The following CSMD3 variants were observed in gnomAD, a reference collection of about 807,000 sequenced individuals.
CSMD3 encodes the protein CUB and sushi domain-containing protein 3.
Under a neutral mutation model 435.2 loss-of-function variants are expected in CSMD3, and 177 were observed. That is an observed-to-expected ratio of 0.41 (90% confidence interval 0.36 to 0.46). The LOEUF (loss-of-function observed/expected upper bound fraction) is 0.46. Among genes scored for constraint, CSMD3 ranks in the 20% least tolerant of loss-of-function variants. CSMD3 has a pLI of 0.34. For missense variants in CSMD3, 4,265 were observed against 4,504.6 expected, an observed-to-expected ratio of 0.95 and a Z score of 1.52; for synonymous variants, 1,656 against 1,520.5, an observed-to-expected ratio of 1.09 and a Z score of -2.07.
chr8:113,130,288 G>A (rs528628675), intron 4 of CSMD3, among the ~76,000 whole-genome samples: 12 of 152,210 alleles, frequency 7.9e-5, no homozygotes, highest in African/African-American at 2.9e-4. Context: ...TTGTATTTGT[G>A]TCCCCATCCA....
At chr8:112,890,967 C>T (rs575961393) in intron 10 of CSMD3, among the ~76,000 whole-genome samples, 3 of 151,608 alleles carry the variant, frequency 2.0e-5, no homozygotes, top group Non-Finnish European at 4.4e-5. Flanking sequence ...TACAAGATTG[C>T]AGTTAGCTCT....
At chr8:113,422,829 A>G (rs2094615162) in intron 1 of CSMD3, among the ~76,000 whole-genome samples, 1 of 152,120 alleles carries the variant, frequency 6.6e-6, no homozygotes, top group African/African-American at 2.4e-5. Context: ...TAAACTTGAC[A>G]GATAACATTG....
intron 11 of CSMD3, among the ~76,000 whole-genome samples, chr8:112,853,888 T>A (rs2080569394): frequency 6.6e-6 from 1 of 152,144 alleles, no homozygotes; most frequent in Non-Finnish European, 1.5e-5. Flanking sequence ...TCAGATTCTT[T>A]TTTTTTTCTT....
At position 112,940,108 on chromosome 8, in the gene CSMD3, G is replaced by A. The variant is rs189794798; in HGVS notation, c.1508+7682C>T. ...GAAAGTTCATGTAAGAAGAATGAGT[G>A]AAAATGACTTTATATTCAAAAGTAT... is the stretch of plus-strand genomic sequence containing the variant. On this transcript the variant is annotated intron_variant, in intron 9 of 70. Transcript: ENST00000297405. Among the ~76,000 whole-genome samples the A allele has an allele frequency of 5.3e-5, 8 of 151,988 alleles. No individual in the cohort carries two copies. In the East Asian group the frequency reaches 1.5e-3, roughly 29 times the overall value.
At chr8:112,412,322 G>C (rs1302120010) in intron 32 of CSMD3, among the ~76,000 whole-genome samples, 1 of 150,414 alleles carries the variant, frequency 6.6e-6, no homozygotes, top group Non-Finnish European at 1.5e-5. Flanking sequence ...TTAACCCCAA[G>C]TCTGTGCTGA....
At position 112,380,364 on chromosome 8, in the gene CSMD3, G is replaced by A. The variant is rs756451116; in HGVS notation, c.6124C>T (p.Leu2042Phe). The change falls in exon 38 of 71, where the codon CTT becomes TTT. Residue 2042 changes from leucine to phenylalanine, a missense_variant. Physicochemically the swap from Leu to Phe is conservative, Grantham distance 22. Transcript: ENST00000297405. ...DISVSAAGFH[L>F]EYTAIGLDSC... is the part of the protein sequence containing the mutation. ...ATATTATTTTTACCTGTGTATTCAA[G>A]ATGAAATCCTGCAGCAGAAACACTG... is the stretch of plus-strand genomic sequence containing the variant. The A allele has an allele frequency of 1.3e-6, 2 of 1,557,536 alleles. No homozygotes were observed. The highest frequency in any genetic ancestry group is 1.8e-6 in the Non-Finnish European group (2 of 1,129,014).
At chr8:112,361,247 G>A (rs1020128167) in intron 38 of CSMD3, among the ~76,000 whole-genome samples, 2 of 151,526 alleles carry the variant, frequency 1.3e-5, no homozygotes, top group East Asian at 1.9e-4. Flanking sequence ...ATTTTTTAAT[G>A]GGATTGGATC....
chr8:112,398,860 G>A (rs1158767502), intron 35 of CSMD3, among the ~76,000 whole-genome samples: 1 of 151,916 alleles, frequency 6.6e-6, no homozygotes, highest in African/African-American at 2.4e-5. Context: ...ATAGCTTCTA[G>A]CTTCTACTGA....
intron 11 of CSMD3, among the ~76,000 whole-genome samples, chr8:112,848,897 G>T (rs1054622943): frequency 6.6e-6 from 1 of 152,004 alleles, no homozygotes; most frequent in African/African-American, 2.4e-5. Flanking sequence ...CCAGTCCCTT[G>T]ACCTCCTTCA....
chr8:112,656,401 T>G, intron 17 of CSMD3, 60 bp from the exon 18 acceptor site: 1 of 1,215,426 alleles, frequency 8.2e-7, no homozygotes, highest in Non-Finnish European at 1.2e-6. Context: ...ATGGAAATAA[T>G]GCTTTGGACT....
intron 3 of CSMD3, among the ~76,000 whole-genome samples, chr8:113,181,314 T>A (rs1564399216): frequency 6.6e-6 from 1 of 152,050 alleles, no homozygotes; most frequent in Non-Finnish European, 1.5e-5. Context: ...GAAAAGTTAG[T>A]GTAAAACCAA....
intron 32 of CSMD3, among the ~76,000 whole-genome samples, chr8:112,423,335 C>T (rs1191521978): frequency 1.3e-5 from 2 of 152,118 alleles, no homozygotes; most frequent in Non-Finnish European, 2.9e-5. Context: ...ACATTATTGT[C>T]ATCATCATCA....
intron 12 of CSMD3, among the ~76,000 whole-genome samples, chr8:112,811,252 G>A (rs7817836): frequency 0.83 from 126,704 of 151,936 alleles, 53,122 homozygotes; most frequent in African/African-American, 0.91. Flanking sequence ...AAGTATAAAT[G>A]CAAATCTTTA....
chr8:112,582,772 G>A lies in CSMD3; in HGVS notation c.3885+4294C>T, dbSNP rs543878092. Among the ~76,000 whole-genome samples, 20 of 152,038 alleles carry A rather than the reference G, an allele frequency of 1.3e-4. No individual in the cohort carries two copies. In the South Asian group the frequency reaches 3.7e-3, roughly 28 times the overall value. The stretch of plus-strand genomic sequence containing the variant: ...ATGGTATTAGGAAGTGAGGCCTTTG[G>A]GAGGCTAACTGGTCATGAGGGCAGA... On this transcript the variant is annotated intron_variant, in intron 23 of 70. Coordinates refer to ENST00000297405, the MANE Select transcript of CSMD3 (RefSeq NM_198123.2).
chr8:112,575,149 TA>T (rs1408629783), intron 23 of CSMD3, among the ~76,000 whole-genome samples: 3 of 152,064 alleles, frequency 2.0e-5, no homozygotes, highest in Non-Finnish European at 4.4e-5. Flanking sequence ...GTAACTTTAT[TA>T]GAATTTAATG....
intron 5 of CSMD3, among the ~76,000 whole-genome samples, chr8:113,047,876 C>A (rs771220755): frequency 6.6e-6 from 1 of 152,042 alleles, no homozygotes; most frequent in Non-Finnish European, 1.5e-5. Context: ...ATTAAAGAAT[C>A]CGTAACTAAC....
At chr8:112,469,188 T>C (rs1403289039) in intron 32 of CSMD3, among the ~76,000 whole-genome samples, 7 of 147,844 alleles carry the variant, frequency 4.7e-5, no homozygotes, top group Non-Finnish European at 8.9e-5. Context: ...AAAAAGTAAT[T>C]TGGTACCACA....
intron 32 of CSMD3, among the ~76,000 whole-genome samples, chr8:112,447,761 T>C (rs952404673): frequency 1.3e-5 from 2 of 152,238 alleles, no homozygotes; most frequent in African/African-American, 4.8e-5. Context: ...TGAATTTATT[T>C]AGGACTTATC....
At position 112,545,497 on chromosome 8, in the gene CSMD3, A is replaced by ATAAAT. The variant is rs1300957151; in HGVS notation, c.4564+5173_4564+5174insATTTA. ...GACTCCATCTCAAAAAAAAAAAAAA[A>ATAAAT]AAAAAATAATAATAATAATAATAAT... On this transcript the variant is annotated intron_variant, in intron 27 of 70. Transcript: ENST00000297405. Among the ~76,000 whole-genome samples the ATAAAT allele has an allele frequency of 2.8e-3, 401 of 143,804 alleles. 1 individual carries two copies. The highest frequency in any genetic ancestry group is 9.7e-3 in the African/African-American group (379 of 38,986). 94.3% of individuals were successfully genotyped at this position (143,804 alleles called of 152,430 possible).
Sources: gnomAD v4.1 joint callset for allele counts (sites outside exome capture counted in the v4.1 genomes callset) on GRCh38, gnomAD v4.1.1 for gene constraint, MANE v1.5 for transcripts, NCBI Gene and HGNC (gene_info 2026-07-23, HGNC 2026-07-21) for gene names.